The following RGS6 variants were observed in gnomAD, a reference collection of about 807,000 sequenced individuals.
RGS6 encodes regulator of G protein signaling 6, also known as regulator of G-protein signaling 6.
A neutral mutation model predicts 78.5 loss-of-function variants in RGS6; 30 were observed. The ratio of observed to expected loss-of-function variants is 0.38; its 90% CI spans 0.29 to 0.52. The LOEUF is 0.52. RGS6 is among the 20% of genes least tolerant of loss of function. The pLI is 0.85. For missense variants in RGS6, 495 were observed against 609.7 expected (o/e 0.81, Z 1.98); for synonymous variants, 206 against 206.0 (o/e 1.00, Z 0.00).
chr14:72,423,531 G>A (rs1185896013), intron 3 of RGS6, among the ~76,000 whole-genome samples: 1 of 152,212 alleles, frequency 6.6e-6, no homozygotes, highest in African/African-American at 2.4e-5. Flanking sequence ...CAACAGGAAT[G>A]GAGCTGGAGG....
intron 2 of RGS6, among the ~76,000 whole-genome samples, chr14:72,096,850 A>G (rs1387949887): frequency 6.6e-6 from 1 of 152,226 alleles, no homozygotes; most frequent in African/African-American, 2.4e-5. Context: ...GTGGATACCT[A>G]GAGGCATGGT....
intron 1 of RGS6, among the ~76,000 whole-genome samples, chr14:71,944,611 C>A (rs2091202585): frequency 6.6e-6 from 1 of 152,152 alleles, no homozygotes; most frequent in African/African-American, 2.4e-5. Flanking sequence ...AGACAGTAAG[C>A]ACATTATAGT....
Position 72,469,979 on chromosome 14 carries a change from C to G in RGS6, c.460-28C>G, listed in dbSNP as rs78248249. On this transcript the variant is annotated intron_variant, in intron 7 of 17. Transcript: ENST00000553525. ...TGTGCTAATTTACGATGATTAATGC[C>G]GCCTTGTTGATTTTCATTTCTCATT... is the stretch of plus-strand genomic sequence containing the variant. 9 of 1,539,658 alleles carry G rather than the reference C, an allele frequency of 5.8e-6. No homozygotes were observed. The Admixed American group carries it at 1.5e-4, about 26-fold the overall frequency.
intron 3 of RGS6, among the ~76,000 whole-genome samples, chr14:72,353,996 A>C (rs1451428240): frequency 6.6e-6 from 1 of 151,454 alleles, no homozygotes; most frequent in East Asian, 1.9e-4. Flanking sequence ...CAACAACAAC[A>C]ACAACAACAG....
intron 13 of RGS6, among the ~76,000 whole-genome samples, chr14:72,506,324 G>A (rs537051190): frequency 3.9e-5 from 6 of 152,268 alleles, no homozygotes; most frequent in South Asian, 2.1e-4. Context: ...AGGAAATATC[G>A]CTACACAATG....
At chr14:72,389,706 C>G (rs1346242517) in intron 3 of RGS6, among the ~76,000 whole-genome samples, 1 of 152,142 alleles carries the variant, frequency 6.6e-6, no homozygotes, top group African/African-American at 2.4e-5. Flanking sequence ...TTGTGGTTGG[C>G]TATTTGTTTT....
chr14:71,989,353 G>A (rs1021429752), intron 2 of RGS6, among the ~76,000 whole-genome samples: 11 of 152,206 alleles, frequency 7.2e-5, no homozygotes, highest in Non-Finnish European at 1.5e-4. Context: ...CTGGGGAGCT[G>A]CTTACTTCTG....
intron 17 of RGS6, 118 bp downstream of exon 17, chr14:72,540,212 G>T (rs760546700): frequency 2.0e-5 from 30 of 1,504,808 alleles, no homozygotes; most frequent in Middle Eastern, 1.7e-4. Context: ...AGGGAGTCCA[G>T]TGCTTTCTCC....
the RGS6 span, among the ~76,000 whole-genome samples, chr14:71,893,823 A>G: frequency 2.6e-5 from 4 of 152,178 alleles, no homozygotes; most frequent in East Asian, 7.7e-4. Flanking sequence ...GGACACAAAG[A>G]CAATTTGTGC....
chr14:72,106,690 TC>T (rs1217607088), intron 2 of RGS6, among the ~76,000 whole-genome samples: 1 of 152,206 alleles, frequency 6.6e-6, no homozygotes, highest in Non-Finnish European at 1.5e-5. Flanking sequence ...TATTAACTTA[TC>T]TTTCAGTCTA....
rs190641075 is a variant in RGS6, at chr14:72,284,713, G to A, written c.85-67382G>A. 2.3e-4 allele frequency among the ~76,000 whole-genome samples: 35 copies of A among 152,292 alleles called. 1 individual carries two copies. In the East Asian group the frequency reaches 6.8e-3, roughly 29 times the overall value. On this transcript the variant is annotated intron_variant, in intron 2 of 17. Transcript: ENST00000553525. ...TGCCTAGGGAAGTTGTCAGAAGAGGGCCACCATCTTCCAGACCCCAGAATG... is the reference window on the plus strand; with the variant it reads ...TGCCTAGGGAAGTTGTCAGAAGAGGACCACCATCTTCCAGACCCCAGAATG...
intron 3 of RGS6, 150 bp from the exon 4 acceptor site, chr14:72,454,378 G>A (rs1232901928): frequency 1.4e-6 from 1 of 732,920 alleles, no homozygotes; most frequent in Non-Finnish European, 2.5e-6. Context: ...AGAATGGAAA[G>A]GGTTGGTTAG....
At chr14:72,546,104 C>T (rs1002205811) in intron 17 of RGS6, among the ~76,000 whole-genome samples, 2 of 152,188 alleles carry the variant, frequency 1.3e-5, no homozygotes, top group African/African-American at 4.8e-5. Context: ...CCAGGGAACC[C>T]TGGGCCAGCT....
intron 2 of RGS6, among the ~76,000 whole-genome samples, chr14:72,056,683 TGCCA>T (rs1000047590): frequency 2.6e-5 from 4 of 152,198 alleles, no homozygotes; most frequent in Admixed American, 2.6e-4. Context: ...TTCCCTCCCC[TGCCA>T]CCCCACAGAG....
chr14:72,174,181 C>T (rs1169474765), intron 2 of RGS6, among the ~76,000 whole-genome samples: 1 of 152,240 alleles, frequency 6.6e-6, no homozygotes, highest in African/African-American at 2.4e-5. Context: ...GATCTCAGCT[C>T]ACTGCGACCT....
At chr14:72,065,525 G>T (rs2094101442) in intron 2 of RGS6, among the ~76,000 whole-genome samples, 1 of 152,102 alleles carries the variant, frequency 6.6e-6, no homozygotes, top group African/African-American at 2.4e-5. Context: ...ATTTACCCAT[G>T]CTTGACTACC....
the RGS6 span, among the ~76,000 whole-genome samples, chr14:72,598,521 G>A: frequency 6.6e-6 from 1 of 152,246 alleles, no homozygotes; most frequent in Admixed American, 6.5e-5. Context: ...CAGCTGTCCA[G>A]AAGCCACCTC....
At chr14:71,968,358 A>G (rs10047915) in intron 2 of RGS6, among the ~76,000 whole-genome samples, 2,696 of 152,292 alleles carry the variant, frequency 0.018, 81 homozygotes, top group African/African-American at 0.059. Context: ...TTTGAAAAGC[A>G]CTTACTTAGT....
intron 12 of RGS6, among the ~76,000 whole-genome samples, chr14:72,478,905 G>C (rs2096303192): frequency 6.6e-6 from 1 of 152,200 alleles, no homozygotes; most frequent in African/African-American, 2.4e-5. Flanking sequence ...ACTCATGGGA[G>C]ACTCAATTTT....
Sources: gnomAD v4.1 joint callset for allele counts (sites outside exome capture counted in the v4.1 genomes callset) on GRCh38, gnomAD v4.1.1 for gene constraint, MANE v1.5 for transcripts, NCBI Gene and HGNC (gene_info 2026-07-23, HGNC 2026-07-21) for gene names.